The following PHACTR1 variants were observed in gnomAD, a reference collection of about 807,000 sequenced individuals.
PHACTR1 encodes the protein phosphatase and actin regulator 1.
Under a neutral mutation model 69.2 loss-of-function variants are expected in PHACTR1, and 16 were observed. The ratio of observed to expected loss-of-function variants is 0.23; its 90% CI spans 0.16 to 0.35. PHACTR1 has a LOEUF of 0.35. Among genes scored for constraint, PHACTR1 ranks in the 10% least tolerant of loss-of-function variants. PHACTR1 has a pLI of 1.00. For missense variants in PHACTR1, 510 were observed against 734.7 expected, an observed-to-expected ratio of 0.69 and a Z score of 3.54; for synonymous variants, 312 against 284.5, an observed-to-expected ratio of 1.10 and a Z score of -0.97.
intron 10 of PHACTR1, among the ~76,000 whole-genome samples, chr6:13,255,834 T>C (rs1775111483): frequency 6.6e-6 from 1 of 152,170 alleles, no homozygotes; most frequent in African/African-American, 2.4e-5. Context: ...CATGGACTGA[T>C]GTTGAGTGCC....
chr6:12,881,063 G>T (rs982119891), intron 4 of PHACTR1, among the ~76,000 whole-genome samples: 5 of 152,222 alleles, frequency 3.3e-5, no homozygotes, highest in African/African-American at 1.2e-4. Context: ...GCGAAGGTGT[G>T]TAAAGTACGA....
intron 7 of PHACTR1, 49 bp downstream of exon 7, chr6:13,182,735 C>A: frequency 6.8e-7 from 1 of 1,463,072 alleles, no homozygotes; most frequent in Non-Finnish European, 9.0e-7. Context: ...CCAAGTCCAG[C>A]CAGGCACCAG....
intron 10 of PHACTR1, among the ~76,000 whole-genome samples, chr6:13,263,344 A>G (rs59748076): frequency 0.038 from 1,077 of 28,500 alleles, 16 homozygotes; most frequent in African/African-American, 0.071. Flanking sequence ...GTTCAGACTG[A>G]AAAAAAAAAA....
chr6:12,732,650 A>G (rs1465615851), intron 3 of PHACTR1, among the ~76,000 whole-genome samples: 2 of 152,178 alleles, frequency 1.3e-5, no homozygotes, highest in African/African-American at 2.4e-5. Context: ...TGCAAAGGAC[A>G]TGATATCATT....
At chr6:12,794,222 GATTA>G (rs1269085670) in intron 4 of PHACTR1, among the ~76,000 whole-genome samples, 1 of 152,216 alleles carries the variant, frequency 6.6e-6, no homozygotes, top group Non-Finnish European at 1.5e-5. Context: ...TTAAGTCATA[GATTA>G]ATTAATCTAG....
At chr6:13,182,416 C>A (rs1416684932) in intron 6 of PHACTR1, 103 bp from the exon 7 acceptor site, 9 of 1,282,218 alleles carry the variant, frequency 7.0e-6, no homozygotes, top group African/African-American at 1.5e-5. Flanking sequence ...CAGAGGCTGA[C>A]CTTGATTGTT....
intron 4 of PHACTR1, among the ~76,000 whole-genome samples, chr6:13,032,483 T>C (rs1802586325): frequency 1.3e-5 from 2 of 152,238 alleles, no homozygotes; most frequent in South Asian, 2.1e-4. Context: ...TAAATCCTAT[T>C]GTTGCTATGT....
chr6:13,172,658 T>C (rs1226229674), intron 6 of PHACTR1, among the ~76,000 whole-genome samples: 3 of 152,188 alleles, frequency 2.0e-5, no homozygotes, highest in Admixed American at 2.0e-4. Context: ...TCTCACCTAT[T>C]TAATGTTTTA....
chr6:12,738,100 T>C (rs1261300591), intron 3 of PHACTR1, among the ~76,000 whole-genome samples: 3 of 152,224 alleles, frequency 2.0e-5, no homozygotes, highest in Non-Finnish European at 4.4e-5. Context: ...GTCTAGGGGC[T>C]GTCTTCTTTT....
At chr6:12,969,575 C>G (rs778906194) in intron 4 of PHACTR1, among the ~76,000 whole-genome samples, 13 of 152,164 alleles carry the variant, frequency 8.5e-5, no homozygotes, top group Non-Finnish European at 1.6e-4. Flanking sequence ...AACCCCAGCT[C>G]TACCAAAAAT....
At chr6:12,916,441 C>T (rs186086724) in intron 4 of PHACTR1, among the ~76,000 whole-genome samples, 46 of 152,102 alleles carry the variant, frequency 3.0e-4, no homozygotes, top group Admixed American at 1.6e-3. Context: ...AGTTATTTTT[C>T]TCTCTCTGCT....
chr6:13,128,706 C>A (rs1819939768), intron 5 of PHACTR1, among the ~76,000 whole-genome samples: 1 of 152,058 alleles, frequency 6.6e-6, no homozygotes, highest in South Asian at 2.1e-4. Context: ...GAAGAGAAAT[C>A]TAAAAGTCTG....
chr6:12,839,349 A>G (rs1478222911), intron 4 of PHACTR1, among the ~76,000 whole-genome samples: 6 of 152,202 alleles, frequency 3.9e-5, no homozygotes, highest in African/African-American at 1.4e-4. Context: ...GCTGCCACCC[A>G]GGCATCAAGC....
intron 4 of PHACTR1, among the ~76,000 whole-genome samples, chr6:12,956,533 T>C (rs1791919962): frequency 2.0e-5 from 3 of 152,048 alleles, no homozygotes; most frequent in Non-Finnish European, 4.4e-5. Context: ...GGGGTTGCAA[T>C]ATGGTTGAAA....
At position 12,838,075 on chromosome 6, in the gene PHACTR1, C is replaced by A. The variant is rs959054507; in HGVS notation, c.250+88285C>A. 2.9e-4 allele frequency among the ~76,000 whole-genome samples: 44 copies of A among 152,314 alleles called. 1 individual carries two copies. Among genetic ancestry groups the A allele is most frequent in the Middle Eastern group, 3.4e-3 (1 of 294 alleles). The stretch of plus-strand genomic sequence containing the variant: ...TCTCACCTGCTGTCAGCTGGAGGAT[C>A]CTCAGTGGCAAGAGGCCACCCCAAC... On this transcript the variant is annotated intron_variant, in intron 4 of 14. Transcript: ENST00000332995.
intron 5 of PHACTR1, among the ~76,000 whole-genome samples, chr6:13,100,721 G>A (rs1343750146): frequency 6.6e-6 from 1 of 152,160 alleles, no homozygotes; most frequent in South Asian, 2.1e-4. Flanking sequence ...CAATCAACAA[G>A]CATTTATTTA....
At chr6:12,791,978 T>C (rs1561886228) in intron 4 of PHACTR1, among the ~76,000 whole-genome samples, 2 of 152,054 alleles carry the variant, frequency 1.3e-5, no homozygotes, top group Admixed American at 6.5e-5. Flanking sequence ...AAGTAATGGG[T>C]GATATCTAAT....
At chr6:13,038,455 G>T (rs921034389) in intron 4 of PHACTR1, among the ~76,000 whole-genome samples, 1 of 149,728 alleles carries the variant, frequency 6.7e-6, no homozygotes, top group Non-Finnish European at 1.5e-5. Context: ...CCTCCCTGGG[G>T]ATCAGCTACT....
At chr6:12,932,620 T>G (rs1788992374) in intron 4 of PHACTR1, among the ~76,000 whole-genome samples, 1 of 152,232 alleles carries the variant, frequency 6.6e-6, no homozygotes, top group South Asian at 2.1e-4. Context: ...AAAGACACAT[T>G]AAATCATTGT....
Sources: gnomAD v4.1 joint callset for allele counts (sites outside exome capture counted in the v4.1 genomes callset) on GRCh38, gnomAD v4.1.1 for gene constraint, MANE v1.5 for transcripts, NCBI Gene and HGNC (gene_info 2026-07-23, HGNC 2026-07-21) for gene names.